Variants in MIB2 observed in about 807,000 individuals in gnomAD.
MIB2 encodes the protein MIB E3 ubiquitin protein ligase 2, also known as E3 ubiquitin-protein ligase MIB2.
In MIB2, 78 loss-of-function variants were observed where a neutral mutation model predicts 96.6. The observed-to-expected ratio is 0.81, with a 90% CI of 0.67 to 0.97. The LOEUF is 0.97. Among genes scored for constraint, MIB2 ranks in the 50% least tolerant of loss-of-function variants. The pLI, the probability that MIB2 is intolerant of heterozygous loss-of-function variation, is 0.00. For missense variants in MIB2, 1,543 were observed against 1,424.0 expected, an observed-to-expected ratio of 1.08 and a Z score of -1.35; for synonymous variants, 820 against 629.5, an observed-to-expected ratio of 1.30 and a Z score of -4.53.
intron 4 of MIB2, chr1:1,624,155 G>A (rs1644520800): frequency 3.3e-6 from 2 of 607,458 alleles, no homozygotes; most frequent in East Asian, 2.8e-5. Context: ...CCATCAGGCA[G>A]CCAGCATCCC....
At chr1:1,630,256 C>T (rs1158539721) in intron 19 of MIB2, 36 bp from the exon 20 acceptor site, 3 of 1,049,234 alleles carry the variant, frequency 2.9e-6, no homozygotes, top group Non-Finnish European at 3.9e-6. Flanking sequence ...TTCCCCCACC[C>T]GGCCTCCCAG....
intron 4 of MIB2, 75 bp downstream of exon 4, chr1:1,624,020 G>A: frequency 6.7e-7 from 1 of 1,495,576 alleles, no homozygotes; most frequent in African/African-American, 1.4e-5. Flanking sequence ...CCTTCGGGGA[G>A]GGTGCTGCCT....
intron 19 of MIB2, 54 bp from the exon 20 acceptor site, chr1:1,630,238 T>C (rs1389177786): frequency 4.1e-5 from 9 of 217,800 alleles, no homozygotes; most frequent in African/African-American, 1.3e-4. Flanking sequence ...AGCTCCCTGC[T>C]CCCCGCATTC....
chr1:1,629,347 C>A, intron 17 of MIB2, 36 bp downstream of exon 17: 1 of 1,440,368 alleles, frequency 6.9e-7, no homozygotes, highest in Non-Finnish European at 9.0e-7. Context: ...GGTCCGGCGG[C>A]CTCCGGGCCC....
intron 2 of MIB2, chr1:1,623,107 A>G: frequency 8.9e-6 from 4 of 450,290 alleles, no homozygotes; most frequent in Middle Eastern, 5.8e-4. Context: ...GGCTGTGGGA[A>G]GAGATGGTGG....
chr1:1,616,896 C>G, intron 2 of MIB2: 1 of 380,192 alleles, frequency 2.6e-6, no homozygotes, highest in Non-Finnish European at 4.8e-6. Context: ...CCCCCTTTGT[C>G]CGGTTCCACC....
chr1:1,623,162 G>A (rs901704970), intron 2 of MIB2: 3 of 528,202 alleles, frequency 5.7e-6, no homozygotes, highest in Non-Finnish European at 6.5e-6. Flanking sequence ...TGAAGCCCCC[G>A]GGGCCAGGCT....
chr1:1,621,962 C>T (rs1376155894), intron 2 of MIB2, among the ~76,000 whole-genome samples: 1 of 152,240 alleles, frequency 6.6e-6, no homozygotes, highest in South Asian at 2.1e-4. Flanking sequence ...TGTGGCCCCT[C>T]CTCACTGCTC....
At chr1:1,627,883 G>A in intron 13 of MIB2, 54 bp downstream of exon 13, 1 of 1,593,976 alleles carries the variant, frequency 6.3e-7, no homozygotes, top group East Asian at 2.3e-5. Context: ...CTTGTCCCTG[G>A]CCTGGGTTCC....
Position 1,615,559 on chromosome 1 carries a change from G to A in MIB2, c.-204G>A, listed in dbSNP as rs1357001123. Reference sequence around the variant, plus strand: ...TCCTCAGTGCCCGGTGGCCCAGGAGGGCCTGGGAGCCCGAAGCCGTCCCCG... The same window carrying A: ...TCCTCAGTGCCCGGTGGCCCAGGAGAGCCTGGGAGCCCGAAGCCGTCCCCG... On this transcript the variant is annotated 5_prime_UTR_variant, in exon 1 of 20. Coordinates refer to ENST00000355826, the MANE Select transcript of MIB2 (RefSeq NM_001170687.4). 13 of 1,538,106 alleles carry A rather than the reference G, an allele frequency of 8.5e-6. No individual in the cohort carries two copies. The highest frequency in any genetic ancestry group is 2.8e-5 in the African/African-American group (2 of 72,270).
intron 19 of MIB2, 56 bp from the exon 20 acceptor site, chr1:1,630,236 G>A: frequency 3.5e-6 from 1 of 282,858 alleles, no homozygotes; most frequent in Non-Finnish European, 4.8e-6. Context: ...GCAGCTCCCT[G>A]CTCCCCGCAT....
intron 2 of MIB2, chr1:1,617,403 C>T (rs988449746): frequency 2.6e-5 from 4 of 152,286 alleles, no homozygotes; most frequent in South Asian, 2.1e-4. Context: ...CTACACTCTC[C>T]TGACTGATGG....
Position 1,629,474 on chromosome 1 carries a change from C to G in MIB2, c.2471C>G (p.Ala824Gly). Residue 824 changes from alanine (A) to glycine (G), a missense_variant, in exon 18 of 20, where the codon GCG becomes GGG. Physicochemically the swap from Ala to Gly is moderately conservative, Grantham distance 60. Coordinates refer to ENST00000355826, the MANE Select transcript of MIB2 (RefSeq NM_001170687.4). ...GTGACGAACCTGCACGTGGGCGCCG[C>G]GCCGGGGCCCGAGGCCGCTGAGTGC... ...NTVTNLHVGA[A>G]PGPEAAECLV... 1 of 1,532,270 alleles carries G rather than the reference C, an allele frequency of 6.5e-7. No individual in the cohort carries two copies. Among genetic ancestry groups the G allele is most frequent in the Non-Finnish European group, 8.7e-7 (1 of 1,145,374 alleles). The allele number at this position is 1,532,270 out of a possible 1,614,324, so 94.9% of individuals were successfully genotyped here.
intron 2 of MIB2, chr1:1,616,999 C>T (rs905750878): frequency 8.7e-6 from 2 of 230,906 alleles, no homozygotes; most frequent in Non-Finnish European, 8.7e-6. Context: ...ACACCCCAGC[C>T]TGCAGGGTGC....
chr1:1,616,005 AC>A (rs1207133787), intron 1 of MIB2: 1 of 984,394 alleles, frequency 1.0e-6, no homozygotes, highest in Non-Finnish European at 1.2e-6. Flanking sequence ...GTGGCCTCGA[AC>A]GCCGGGACAG....
At chr1:1,624,958 G>C in intron 5 of MIB2, 33 bp from the exon 6 acceptor site, 1 of 1,607,752 alleles carries the variant, frequency 6.2e-7, no homozygotes, top group Non-Finnish European at 8.5e-7. Flanking sequence ...TCATGGCTCA[G>C]CCTTAGCCTG....
In MIB2 at chr1:1,625,097, C is replaced by A; in HGVS notation, c.633C>A (p.Tyr211Ter). The change falls in exon 6 of 20, where the codon TAC becomes TAA. Residue 211 changes from tyrosine (Y) to a stop codon, truncating the protein, a stop_gained. Coordinates refer to ENST00000355826, the MANE Select transcript of MIB2 (RefSeq NM_001170687.4). LOFTEE classifies it high-confidence loss of function. The surrounding 1 kb of genome is among the most constrained non-coding windows in gnomAD (Gnocchi z 5.0). ...GGGCTGATGGTACCACCAATGTGTACCGTGTGGGCCACAAGGGCAAGGTGG... is the reference window on the plus strand; with the variant it reads ...GGGCTGATGGTACCACCAATGTGTAACGTGTGGGCCACAAGGGCAAGGTGG... ...VTWADGTTNV[Y>*]RVGHKGKVDL... 6.2e-7 allele frequency: 1 copy of A among 1,613,348 alleles called. No individual in the cohort carries two copies. Among genetic ancestry groups the A allele is most frequent in the Non-Finnish European group, 8.5e-7 (1 of 1,179,980 alleles).
intron 1 of MIB2, 151 bp downstream of exon 1, chr1:1,615,784 C>T (rs1413123452): frequency 1.6e-5 from 22 of 1,336,454 alleles, no homozygotes; most frequent in Non-Finnish European, 1.9e-5. Context: ...ACGGGATGGG[C>T]TGGGGCTGCG....
At chr1:1,616,714 C>A in intron 2 of MIB2, 100 bp downstream of exon 2, 2 of 937,158 alleles carry the variant, frequency 2.1e-6, no homozygotes, top group South Asian at 1.5e-5. Context: ...TGTGTCTGAG[C>A]ATGCATGCGA....
Sources: gnomAD v4.1 joint callset for allele counts (sites outside exome capture counted in the v4.1 genomes callset) on GRCh38, gnomAD v4.1.1 for gene constraint, Gnocchi (gnomAD v3.1) non-coding constraint, MANE v1.5 for transcripts, NCBI Gene and HGNC (gene_info 2026-07-23, HGNC 2026-07-21) for gene names.